TENM3: variants seen among roughly 807,000 people sequenced by gnomAD.
TENM3 encodes the protein teneurin transmembrane protein 3, also known as teneurin-3.
A neutral mutation model predicts 255.1 loss-of-function variants in TENM3; 63 were observed. The ratio of observed to expected loss-of-function variants is 0.25; its 90% confidence interval spans 0.20 to 0.30. The LOEUF is 0.30. Ranked by LOEUF, TENM3 falls within the 10% of genes least tolerant of loss-of-function variation. The pLI is 1.00. For synonymous variants in TENM3, 1,306 were observed against 1,322.3 expected (o/e 0.99, Z 0.27); for missense variants, 2,929 against 3,461.1 (o/e 0.85, Z 3.86).
the TENM3 span, among the ~76,000 whole-genome samples, chr4:181,492,013 A>G: frequency 6.6e-6 from 1 of 152,170 alleles, no homozygotes; most frequent in Non-Finnish European, 1.5e-5. Context: ...AATTAACTTA[A>G]GCCGCCGTTT....
rs1243219689 is a variant in TENM3 at position 182,801,205 on chromosome 4, G to C, written c.*854G>C. The C allele has an allele frequency of 6.6e-6, 1 of 152,540 alleles. No individual in the cohort carries two copies. Among genetic ancestry groups the C allele is most frequent in the African/African-American group, 2.4e-5 (1 of 41,422 alleles). The allele number at this position is 152,540 out of a possible 1,614,324, so 9.4% of individuals were successfully genotyped here. A position where few individuals can be genotyped will look rare whatever the true frequency, so the allele number is the denominator to read the frequency against. On this transcript the variant is annotated 3_prime_UTR_variant, in exon 28 of 28. Coordinates refer to ENST00000511685, the MANE Select transcript of TENM3 (RefSeq NM_001080477.4). ...GTACAGTATGAATTATTATATTGTA[G>C]AGATATAACAACTTATGCCTATAAT... is the stretch of plus-strand genomic sequence containing the variant.
intron 1 of TENM3, among the ~76,000 whole-genome samples, chr4:182,288,889 C>A (rs1760920854): frequency 6.6e-6 from 1 of 152,124 alleles, no homozygotes; most frequent in Non-Finnish European, 1.5e-5. Flanking sequence ...AGGTCGGGGG[C>A]TGGAAATGTG....
chr4:182,158,417 G>A (rs549423295), intron 1 of TENM3, among the ~76,000 whole-genome samples: 4 of 152,192 alleles, frequency 2.6e-5, no homozygotes, highest in Non-Finnish European at 5.9e-5. Context: ...GACTGTGAAT[G>A]AGCAGTAGGT....
intron 3 of TENM3, among the ~76,000 whole-genome samples, chr4:182,513,739 G>A (rs62337224): frequency 2.6e-5 from 4 of 152,138 alleles, no homozygotes; most frequent in Non-Finnish European, 5.9e-5. Flanking sequence ...CCCTCCTAGT[G>A]TTTGCCAGTT....
At chr4:182,665,390 C>T (rs1278697485) in intron 6 of TENM3, among the ~76,000 whole-genome samples, 1 of 152,164 alleles carries the variant, frequency 6.6e-6, no homozygotes, top group Non-Finnish European at 1.5e-5. Context: ...TGTACCTAGT[C>T]CCCCAAGAGC....
Position 182,773,555 on chromosome 4 carries a change from T to G in TENM3, c.4976T>G (p.Ile1659Ser). Residue 1659 changes from isoleucine to serine, a missense_variant, in exon 23 of 28, where the codon ATC (isoleucine) becomes AGC (serine). By Grantham distance (142) the Ile-to-Ser change is moderately radical (BLOSUM62 -2). Coordinates refer to ENST00000511685, the MANE Select transcript of TENM3 (RefSeq NM_001080477.4). Reference sequence around the variant, plus strand: ...CTGCATGGGGACATGGACAAGGCTATCACAGTGGACATTGAGTCATCTAGC... The same window carrying G: ...CTGCATGGGGACATGGACAAGGCTAGCACAGTGGACATTGAGTCATCTAGC... ...TNLHGDMDKA[I>S]TVDIESSSRE... The G allele has an allele frequency of 1.2e-6, 2 of 1,613,952 alleles. No individual in the cohort carries two copies. The highest frequency in any genetic ancestry group is 1.7e-6 in the Non-Finnish European group (2 of 1,179,862).
upstream of TENM3, among the ~76,000 whole-genome samples, chr4:182,241,150 A>G (rs1757228826): frequency 6.6e-6 from 1 of 152,122 alleles, no homozygotes; most frequent in South Asian, 2.1e-4. Context: ...TGGGATTTTC[A>G]TGTGAATCGT....
the TENM3 span, among the ~76,000 whole-genome samples, chr4:181,565,392 G>A: frequency 6.6e-6 from 1 of 152,198 alleles, no homozygotes; most frequent in African/African-American, 2.4e-5. Context: ...TTTACTGGAT[G>A]GTTACAATAT....
the TENM3 span, among the ~76,000 whole-genome samples, chr4:181,766,928 TA>T: frequency 1.3e-5 from 2 of 152,080 alleles, no homozygotes; most frequent in African/African-American, 2.4e-5. Context: ...AATTTGGAGA[TA>T]TTTTTAAAAA....
Position 182,775,161 on chromosome 4 carries a change from C to T in TENM3, c.5304+8C>T, listed in dbSNP as rs199619111. 3 of 1,612,582 alleles carry T rather than the reference C, an allele frequency of 1.9e-6. No homozygotes were observed. The highest frequency in any genetic ancestry group is 2.7e-5 in the African/African-American group (2 of 74,906). On this transcript the variant is annotated splice_region_variant and intron_variant, in intron 24 of 27. Transcript: ENST00000511685. ...TTTGGCCGCAAGCTCAGGGTACGTA[C>T]GTGTTGTGGAGCAGGAGATAGCTGC...
chr4:182,645,368 A>G (rs1321192195), intron 5 of TENM3, among the ~76,000 whole-genome samples: 1 of 152,106 alleles, frequency 6.6e-6, no homozygotes, highest in African/African-American at 2.4e-5. Flanking sequence ...GGAAGTTGAT[A>G]TTATAAAAGT....
intron 3 of TENM3, among the ~76,000 whole-genome samples, chr4:182,465,203 A>G (rs1357863741): frequency 6.6e-6 from 1 of 152,194 alleles, no homozygotes; most frequent in Non-Finnish European, 1.5e-5. Context: ...GGGTTTATAT[A>G]AATTACTAAG....
the TENM3 span, among the ~76,000 whole-genome samples, chr4:181,749,001 A>G: frequency 6.6e-6 from 1 of 152,268 alleles, no homozygotes; most frequent in South Asian, 2.1e-4. Flanking sequence ...TTATAATGGT[A>G]TAAGATCAAG....
At chr4:182,419,936 G>A (rs1433583930) in intron 3 of TENM3, among the ~76,000 whole-genome samples, 1 of 151,898 alleles carries the variant, frequency 6.6e-6, no homozygotes, top group East Asian at 1.9e-4. Flanking sequence ...GTTAACAGGT[G>A]CAGCACACCA....
At chr4:181,716,523 C>T in the TENM3 span, among the ~76,000 whole-genome samples, 9 of 152,230 alleles carry the variant, frequency 5.9e-5, no homozygotes, top group Admixed American at 3.9e-4. Flanking sequence ...TCTAGTTGCA[C>T]GTAAATAAGA....
At chr4:182,780,053 A>G (rs1765041761) in intron 24 of TENM3, among the ~76,000 whole-genome samples, 1 of 151,302 alleles carries the variant, frequency 6.6e-6, no homozygotes, top group Admixed American at 6.6e-5. Flanking sequence ...GAAGCTCTTT[A>G]GTTTAATTAG....
chr4:182,528,748 T>C (rs1739480751), intron 3 of TENM3, among the ~76,000 whole-genome samples: 1 of 152,224 alleles, frequency 6.6e-6, no homozygotes, highest in African/African-American at 2.4e-5. Context: ...TTGGAAGAAT[T>C]GCCTTGAGCC....
chr4:182,375,391 A>G (rs1767105519), intron 3 of TENM3, among the ~76,000 whole-genome samples: 1 of 152,190 alleles, frequency 6.6e-6, no homozygotes, highest in African/African-American at 2.4e-5. Context: ...ACTAGGCACA[A>G]TGTCACAAAA....
chr4:182,480,602 A>C (rs1174699424), intron 3 of TENM3, among the ~76,000 whole-genome samples: 3 of 152,096 alleles, frequency 2.0e-5, no homozygotes, highest in African/African-American at 7.2e-5. Flanking sequence ...TGTCTTCGTA[A>C]AGATGAAAAG....
Sources: gnomAD v4.1 joint callset for allele counts (sites outside exome capture counted in the v4.1 genomes callset) on GRCh38, gnomAD v4.1.1 for gene constraint, MANE v1.5 for transcripts, NCBI Gene and HGNC (gene_info 2026-07-23, HGNC 2026-07-21) for gene names.